Variants in TJP1 observed in about 807,000 individuals in gnomAD.
The protein encoded by TJP1 is tight junction protein ZO-1.
A neutral mutation model predicts 194.2 loss-of-function variants in TJP1; 43 were observed. The observed-to-expected ratio is 0.22, with a 90% CI of 0.17 to 0.29. TJP1 has a LOEUF of 0.29. Among genes scored for constraint, TJP1 ranks in the 10% least tolerant of loss-of-function variants. The pLI is 1.00. For synonymous variants in TJP1, 801 were observed against 779.0 expected (o/e 1.03, Z -0.47); for missense variants, 1,971 against 2,185.7 (o/e 0.90, Z 1.96).
At chr15:29,713,705 GA>G (rs2042381907) in intron 23 of TJP1, among the ~76,000 whole-genome samples, 1 of 152,152 alleles carries the variant, frequency 6.6e-6, no homozygotes, top group Non-Finnish European at 1.5e-5. Flanking sequence ...CATTACAAGG[GA>G]AACTTACAGA....
chr15:29,735,513 G>C (rs2043966814), intron 11 of TJP1, among the ~76,000 whole-genome samples: 1 of 150,914 alleles, frequency 6.6e-6, no homozygotes, highest in Non-Finnish European at 1.5e-5. Flanking sequence ...TTTGAGCCTA[G>C]GTGTTTAAGG....
chr15:29,899,390 A>G (rs1380607414), intron 2 of TJP1, among the ~76,000 whole-genome samples: 1 of 152,150 alleles, frequency 6.6e-6, no homozygotes, highest in Non-Finnish European at 1.5e-5. Context: ...TGAAGTCACC[A>G]TTTTCCCTTT....
chr15:29,839,480 T>C (rs1366250833), intron 2 of TJP1, among the ~76,000 whole-genome samples: 2 of 152,070 alleles, frequency 1.3e-5, no homozygotes, highest in African/African-American at 4.8e-5. Context: ...CATCTCTACA[T>C]TTAACAGTTT....
At chr15:29,903,730 T>C (rs576179474) in intron 2 of TJP1, among the ~76,000 whole-genome samples, 4 of 152,094 alleles carry the variant, frequency 2.6e-5, no homozygotes, top group Admixed American at 1.3e-4. Flanking sequence ...AGGCGTGAGC[T>C]ACCACGCCCG....
Position 29,719,967 on chromosome 15 carries a change from G to T in TJP1, c.2813C>A (p.Pro938Gln). 5 of 1,614,124 alleles carry T rather than the reference G, an allele frequency of 3.1e-6. No individual in the cohort carries two copies. The highest frequency in any genetic ancestry group is 4.2e-6 in the Non-Finnish European group (5 of 1,180,010). ...PVPYLSPETNPASSTSAVNHN... is the reference protein window; with the variant it reads ...PVPYLSPETNQASSTSAVNHN... ...ATTAACAGCAGAGGTTGATGATGCT[G>T]GGTTTGTTTCAGGCGAAAGGTAAGG... is the stretch of plus-strand genomic sequence containing the variant. The change falls in exon 20 of 28, where the codon CCA becomes CAA. Residue 938 changes from proline (P) to glutamine (Q), a missense_variant. Coordinates refer to ENST00000614355, the MANE Select transcript of TJP1 (RefSeq NM_001330239.4).
intron 15 of TJP1, among the ~76,000 whole-genome samples, chr15:29,731,531 C>T (rs1345182416): frequency 6.6e-6 from 1 of 152,188 alleles, no homozygotes; most frequent in Admixed American, 6.5e-5. Flanking sequence ...ATTTTCGTTT[C>T]ACTTCCTGAA....
Position 29,752,711 on chromosome 15 carries a change from T to G in TJP1, c.1010+8428A>C, listed in dbSNP as rs1355073530. Among the ~76,000 whole-genome samples, 5 of 152,336 alleles carry G rather than the reference T, an allele frequency of 3.3e-5. No individual in the cohort carries two copies. The East Asian group carries it at 9.6e-4, about 29-fold the overall frequency. On this transcript the variant is annotated intron_variant, in intron 8 of 27. Transcript: ENST00000614355. ...GATGTCATCGATATTCCACTCACTT[T>G]GAAATGTTAGATAAAACATATTAGC...
At chr15:29,968,581 C>G in intron 1 of TJP1, 1 of 882,684 alleles carries the variant, frequency 1.1e-6, no homozygotes, top group Non-Finnish European at 1.4e-6. Context: ...CCGACCGCCC[C>G]GGCCGCCGCT....
chr15:29,707,352 T>C (rs1436160186), intron 25 of TJP1, among the ~76,000 whole-genome samples: 1 of 152,116 alleles, frequency 6.6e-6, no homozygotes, highest in Admixed American at 6.5e-5. Flanking sequence ...GCCGTTTCAC[T>C]CCAGCATGAC....
intron 2 of TJP1, among the ~76,000 whole-genome samples, chr15:29,799,446 C>T (rs909773053): frequency 1.3e-5 from 2 of 150,980 alleles, no homozygotes; most frequent in South Asian, 4.2e-4. Flanking sequence ...GGGAGTCTCG[C>T]CTCTGTCACC....
rs970399342 is a variant in TJP1, at chr15:29,726,664, G to A, written c.2311+117C>T. The A allele has an allele frequency of 2.5e-6, 3 of 1,191,876 alleles. No individual in the cohort carries two copies. The Admixed American group carries it at 6.8e-5, about 27-fold the overall frequency. The allele number at this position is 1,191,876 out of a possible 1,614,324, so 73.8% of individuals were successfully genotyped here. The stretch of plus-strand genomic sequence containing the variant: ...CAAACAGCAGGTGTTAACACAACAG[G>A]AAGCTTTCCAAGAAAGTATCATGTA... On this transcript the variant is annotated intron_variant, in intron 17 of 27. Coordinates refer to ENST00000614355, the MANE Select transcript of TJP1 (RefSeq NM_001330239.4).
intron 2 of TJP1, among the ~76,000 whole-genome samples, chr15:29,788,258 T>C (rs1351714381): frequency 6.6e-6 from 1 of 152,204 alleles, no homozygotes; most frequent in East Asian, 1.9e-4. Flanking sequence ...TTCTGTGGAA[T>C]ATCTTCTCAC....
At chr15:29,724,142 C>T (rs536061953) in intron 18 of TJP1, among the ~76,000 whole-genome samples, 7 of 152,286 alleles carry the variant, frequency 4.6e-5, no homozygotes, top group Non-Finnish European at 7.4e-5. Flanking sequence ...GAGCTTTCCA[C>T]GCAGTCCCCA....
intron 2 of TJP1, among the ~76,000 whole-genome samples, chr15:29,783,028 C>T (rs1247604581): frequency 6.6e-6 from 1 of 151,930 alleles, no homozygotes; most frequent in African/African-American, 2.4e-5. Flanking sequence ...AATACCAGCA[C>T]TTTGGGAGGC....
chr15:29,916,406 A>C (rs1282229285), intron 2 of TJP1, among the ~76,000 whole-genome samples: 1 of 152,118 alleles, frequency 6.6e-6, no homozygotes, highest in Non-Finnish European at 1.5e-5. Flanking sequence ...TAACAGAGCA[A>C]CTTGAGAAGA....
chr15:29,749,698 G>A (rs908262057), intron 8 of TJP1, among the ~76,000 whole-genome samples: 1 of 152,188 alleles, frequency 6.6e-6, no homozygotes, highest in African/African-American at 2.4e-5. Flanking sequence ...ACATACCACA[G>A]CAAATTCTCG....
chr15:29,774,296 C>T (rs575772538), intron 2 of TJP1, among the ~76,000 whole-genome samples: 1 of 151,874 alleles, frequency 6.6e-6, no homozygotes, highest in Admixed American at 6.6e-5. Flanking sequence ...CATCCCAAAG[C>T]CTATAGAAGT....
At chr15:29,775,561 T>G (rs1293522228) in intron 2 of TJP1, among the ~76,000 whole-genome samples, 2 of 152,112 alleles carry the variant, frequency 1.3e-5, no homozygotes, top group Non-Finnish European at 2.9e-5. Context: ...CTGGGTTTGA[T>G]ACTATCCAAG....
intron 2 of TJP1, among the ~76,000 whole-genome samples, chr15:29,933,957 G>A (rs1298187470): frequency 1.3e-5 from 2 of 152,082 alleles, no homozygotes; most frequent in Non-Finnish European, 2.9e-5. Context: ...ACCAAGGTAC[G>A]TCACGGGACA....
Sources: gnomAD v4.1 joint callset for allele counts (sites outside exome capture counted in the v4.1 genomes callset) on GRCh38, gnomAD v4.1.1 for gene constraint, MANE v1.5 for transcripts, NCBI Gene and HGNC (gene_info 2026-07-23, HGNC 2026-07-21) for gene names.